Variants in LOXHD1 observed in about 807,000 individuals in gnomAD.
The protein encoded by LOXHD1 is lipoxygenase homology domain-containing protein 1.
A neutral mutation model predicts 248.2 loss-of-function variants in LOXHD1; 205 were observed. The ratio of observed to expected loss-of-function variants is 0.83; its 90% CI spans 0.74 to 0.93. The LOEUF (loss-of-function observed/expected upper bound fraction) is 0.93, where lower values mean the gene tolerates loss of function less well. LOXHD1 is among the 40% of genes least tolerant of loss of function. The pLI, the probability that LOXHD1 is intolerant of heterozygous loss-of-function variation, is 0.00. For missense variants in LOXHD1, 2,930 were observed against 2,971.6 expected, an observed-to-expected ratio of 0.99 and a Z score of 0.33; for synonymous variants, 1,113 against 1,162.8, an observed-to-expected ratio of 0.96 and a Z score of 0.87.
intron 12 of LOXHD1, among the ~76,000 whole-genome samples, chr18:46,582,094 TAAAG>T (rs2037974728): frequency 6.6e-6 from 1 of 152,170 alleles, no homozygotes; most frequent in Non-Finnish European, 1.5e-5. Context: ...ATAGATAGAA[TAAAG>T]AGTACCAGAA....
chr18:46,598,800 A>G (rs1261120258), intron 8 of LOXHD1, among the ~76,000 whole-genome samples: 2 of 152,174 alleles, frequency 1.3e-5, no homozygotes, highest in Non-Finnish European at 2.9e-5. Context: ...CTATTAAAGA[A>G]GACATAAATT....
chr18:46,479,246 G>A (rs1230903509), intron 40 of LOXHD1, among the ~76,000 whole-genome samples: 1 of 149,286 alleles, frequency 6.7e-6, no homozygotes, highest in Non-Finnish European at 1.5e-5. Context: ...ATGTGTGTGT[G>A]TGTGTGTGTG....
intron 4 of LOXHD1, among the ~76,000 whole-genome samples, chr18:46,626,782 T>A (rs551805963): frequency 1.2e-4 from 19 of 152,324 alleles, no homozygotes; most frequent in African/African-American, 4.6e-4. Flanking sequence ...GCTCCTAGCT[T>A]CATCCTTATA....
chr18:46,484,873 C>G, intron 39 of LOXHD1, 146 bp downstream of exon 39: 1 of 998,494 alleles, frequency 1.0e-6, no homozygotes, highest in Non-Finnish European at 1.4e-6. Context: ...GGTGCTTGCA[C>G]AGGATTGGCA....
At chr18:46,646,613 CT>C (rs1395957028) in intron 2 of LOXHD1, among the ~76,000 whole-genome samples, 2 of 152,170 alleles carry the variant, frequency 1.3e-5, no homozygotes, top group Non-Finnish European at 2.9e-5. Context: ...GACTTTCCCC[CT>C]CCCTGCCCAT....
At chr18:46,539,221 G>A (rs2036451003) in intron 25 of LOXHD1, among the ~76,000 whole-genome samples, 1 of 152,180 alleles carries the variant, frequency 6.6e-6, no homozygotes, top group Admixed American at 6.5e-5. Flanking sequence ...AGAACTTTGG[G>A]AGGCCGAGGT....
At chr18:46,518,581 GA>G (rs1227516558) in intron 33 of LOXHD1, among the ~76,000 whole-genome samples, 2 of 152,256 alleles carry the variant, frequency 1.3e-5, no homozygotes, top group East Asian at 1.9e-4. Context: ...ATGGTGGCAG[GA>G]CAGTGGCCTT....
At position 46,611,201 on chromosome 18, in the gene LOXHD1, C is replaced by T. The variant is rs528650510; in HGVS notation, c.611-277G>A. On this transcript the variant is annotated intron_variant, in intron 5 of 40. Transcript: ENST00000642948. ...CCGATTTGTACCCCCATCTCTAGAT[C>T]TAGGACCCTGCCTTGCTTTTGCCAG... is the stretch of plus-strand genomic sequence containing the variant. 2.0e-5 allele frequency among the ~76,000 whole-genome samples: 3 copies of T among 152,326 alleles called. No individual in the cohort carries two copies. In the South Asian group the frequency reaches 6.2e-4, roughly 32 times the overall value.
chr18:46,627,314 A>G (rs1411725456), intron 4 of LOXHD1, among the ~76,000 whole-genome samples: 2 of 152,218 alleles, frequency 1.3e-5, no homozygotes, highest in African/African-American at 2.4e-5. Flanking sequence ...AGCCCCAGGC[A>G]GGTGGGAACA....
intron 17 of LOXHD1, among the ~76,000 whole-genome samples, chr18:46,564,761 T>G (rs1284328252): frequency 6.6e-6 from 1 of 151,776 alleles, no homozygotes; most frequent in South Asian, 2.1e-4. Flanking sequence ...AGGGAAGGAG[T>G]TGATTCTTAT....
chr18:46,533,465 C>G (rs1171599609), intron 27 of LOXHD1, 141 bp from the exon 28 acceptor site: 1 of 824,134 alleles, frequency 1.2e-6, no homozygotes, highest in Non-Finnish European at 1.8e-6. Context: ...AGGAGAGCCC[C>G]TTGCCCCAAT....
chr18:46,602,421 G>C (rs1328469780), intron 7 of LOXHD1, among the ~76,000 whole-genome samples: 1 of 151,922 alleles, frequency 6.6e-6, no homozygotes, highest in Non-Finnish European at 1.5e-5. Context: ...GGCCAGACTG[G>C]TCTCGAACCC....
chr18:46,497,169 G>T (rs1045020971), intron 37 of LOXHD1, among the ~76,000 whole-genome samples: 1 of 152,132 alleles, frequency 6.6e-6, no homozygotes, highest in Non-Finnish European at 1.5e-5. Flanking sequence ...AATGACTCAG[G>T]ATTTCTTTAA....
At chr18:46,560,052 TC>T in intron 19 of LOXHD1, 30 bp downstream of exon 19, 3 of 441,124 alleles carry the variant, frequency 6.8e-6, no homozygotes, top group Non-Finnish European at 1.1e-5. Context: ...GGCCACTCCC[TC>T]CCCACCCCCA....
Position 46,515,694 on chromosome 18 carries a change from G to A in LOXHD1, c.5399+2435C>T. ...GGAATATGGGGTTGGGTAGAGATTA[G>A]AGTCACAGTACAGAAGTAAAGACTA... is the stretch of plus-strand genomic sequence containing the variant. On this transcript the variant is annotated intron_variant, in intron 34 of 40. Transcript: ENST00000642948. Among the ~76,000 whole-genome samples, 3 of 152,300 alleles carry A rather than the reference G, an allele frequency of 2.0e-5. 1 individual carries two copies. Among genetic ancestry groups the A allele is most frequent in the Admixed American group, 2.0e-4 (3 of 15,296 alleles).
In LOXHD1 at chr18:46,531,167, C is replaced by T. The variant is rs568761914; in HGVS notation, c.4376-1836G>A. Among the ~76,000 whole-genome samples the T allele has an allele frequency of 9.2e-5, 14 of 152,224 alleles. 1 individual carries two copies. The highest frequency in any genetic ancestry group is 6.5e-4 in the Admixed American group (10 of 15,294). On this transcript the variant is annotated intron_variant, in intron 28 of 40. Coordinates refer to ENST00000642948, the MANE Select transcript of LOXHD1 (RefSeq NM_001384474.1). ...CTCCTGAGTGCATTGTGAGAGTTGACCTGCAGAGGCTGGTCAGAGACACCG... is the reference window on the plus strand; with the variant it reads ...CTCCTGAGTGCATTGTGAGAGTTGATCTGCAGAGGCTGGTCAGAGACACCG...
downstream of LOXHD1, chr18:46,476,987 G>A: frequency 1.7e-6 from 1 of 581,538 alleles, no homozygotes; most frequent in East Asian, 2.8e-5. Context: ...TTGCCACTGG[G>A]TTTATTGAAA....
intron 40 of LOXHD1, among the ~76,000 whole-genome samples, chr18:46,481,573 G>A (rs1168496880): frequency 1.3e-5 from 2 of 152,194 alleles, no homozygotes; most frequent in African/African-American, 2.4e-5. Context: ...ACTGCTGGAG[G>A]CCACACAGTT....
intron 4 of LOXHD1, among the ~76,000 whole-genome samples, chr18:46,623,172 C>G (rs958178779): frequency 3.9e-5 from 6 of 152,172 alleles, no homozygotes; most frequent in Non-Finnish European, 7.3e-5. Flanking sequence ...AAAAGAATCC[C>G]TTTCTCAAGA....
Sources: gnomAD v4.1 joint callset for allele counts (sites outside exome capture counted in the v4.1 genomes callset) on GRCh38, gnomAD v4.1.1 for gene constraint, MANE v1.5 for transcripts, NCBI Gene and HGNC (gene_info 2026-07-23, HGNC 2026-07-21) for gene names.